CNOT6L: variants seen among roughly 807,000 people sequenced by gnomAD.
CNOT6L encodes CCR4-NOT transcription complex subunit 6 like.
Under a neutral mutation model 64.0 loss-of-function variants are expected in CNOT6L, and 7 were observed. The ratio of observed to expected loss-of-function variants is 0.11; its 90% CI spans 0.06 to 0.21. The LOEUF (loss-of-function observed/expected upper bound fraction) is 0.21. Ranked by LOEUF, CNOT6L falls within the 10% of genes least tolerant of loss-of-function variation. CNOT6L has a pLI of 1.00. For synonymous variants in CNOT6L, 193 were observed against 243.4 expected (o/e 0.79, Z 1.93); for missense variants, 245 against 669.0 (o/e 0.37, Z 6.99).
intron 5 of CNOT6L, among the ~76,000 whole-genome samples, chr4:77,756,639 C>A (rs920751820): frequency 3.3e-5 from 5 of 152,120 alleles, no homozygotes; most frequent in African/African-American, 9.7e-5. Context: ...GTCCTAGGTT[C>A]TTAAACAAAA....
At chr4:77,819,613 G>GGGCGGCGGCGGCGGC (rs889653462), upstream of CNOT6L, 1 of 163,084 alleles carries the variant, frequency 6.1e-6, no homozygotes, top group Non-Finnish European at 1.3e-5. Flanking sequence ...GCCGGGGTCC[G>GGGCGGCGGCGGCGGC]GGCGGCGGCG....
At chr4:77,758,443 T>C (rs1397034717) in intron 4 of CNOT6L, among the ~76,000 whole-genome samples, 2 of 152,158 alleles carry the variant, frequency 1.3e-5, no homozygotes, top group South Asian at 2.1e-4. Flanking sequence ...GATACAGAAG[T>C]TAGAATACTA....
At chr4:77,720,691 A>T (rs768551085) in intron 11 of CNOT6L, 48 bp from the exon 12 acceptor site, 2 of 1,592,304 alleles carry the variant, frequency 1.3e-6, no homozygotes, top group Non-Finnish European at 1.7e-6. Flanking sequence ...CAAGATATAT[A>T]AAGAACAATC....
rs763935111 is a variant in CNOT6L, at chr4:77,794,178, A to G, written c.6-17786T>C. Among the ~76,000 whole-genome samples, 198 of 144,176 alleles carry G rather than the reference A, an allele frequency of 1.4e-3. 1 individual carries two copies. The highest frequency in any genetic ancestry group is 4.9e-3 in the African/African-American group (191 of 38,996). The allele number at this position is 144,176 out of a possible 152,430, so 94.6% of individuals were successfully genotyped here. A position where few individuals can be genotyped will look rare whatever the true frequency, so the allele number is the denominator to read the frequency against. ...AAAAAAAAAAAAAAAAAAAAAAAAG[A>G]TTTTAGAAATAGAAGGAAAGAGAGA... On this transcript the variant is annotated intron_variant, in intron 1 of 11. Coordinates refer to ENST00000504123, the MANE Select transcript of CNOT6L (RefSeq NM_144571.3).
At chr4:77,748,485 C>A (rs999327191) in intron 5 of CNOT6L, 101 bp from the exon 6 acceptor site, 3 of 781,554 alleles carry the variant, frequency 3.8e-6, no homozygotes, top group Non-Finnish European at 4.4e-6. Flanking sequence ...TCTGCTGTAA[C>A]GGCCTGCAAA....
intron 1 of CNOT6L, among the ~76,000 whole-genome samples, chr4:77,788,440 CAAT>C (rs1729707777): frequency 6.6e-6 from 1 of 152,090 alleles, no homozygotes; most frequent in Non-Finnish European, 1.5e-5. Context: ...TAATAATAGG[CAAT>C]TCGGCCAGGC....
intron 1 of CNOT6L, among the ~76,000 whole-genome samples, chr4:77,812,419 CAGAGTG>C (rs939828941): frequency 2.0e-5 from 3 of 148,528 alleles, no homozygotes; most frequent in African/African-American, 7.5e-5. Flanking sequence ...GCCTGGGCGA[CAGAGTG>C]AGACTCCATC....
rs1728204764 is a variant in CNOT6L, at chr4:77,776,875, T to C, written c.6-483A>G. Reference sequence around the variant, plus strand: ...AACCGCAGAACTCATTCTATGTTTATAGGAGAAGCAGGCTTCTCTCTCCTG... The same window carrying C: ...AACCGCAGAACTCATTCTATGTTTACAGGAGAAGCAGGCTTCTCTCTCCTG... On this transcript the variant is annotated intron_variant, in intron 1 of 11. Coordinates refer to ENST00000504123, the MANE Select transcript of CNOT6L (RefSeq NM_144571.3). Among the ~76,000 whole-genome samples, 2 of 152,202 alleles carry C rather than the reference T, an allele frequency of 1.3e-5. 1 individual carries two copies. Among genetic ancestry groups the C allele is most frequent in the South Asian group, 4.1e-4 (2 of 4,834 alleles).
intron 1 of CNOT6L, among the ~76,000 whole-genome samples, chr4:77,789,359 A>G (rs1638930167): frequency 6.6e-6 from 1 of 151,898 alleles, no homozygotes; most frequent in African/African-American, 2.4e-5. Flanking sequence ...TCTCATTAAC[A>G]AAATGTTCAA....
rs944000019 is a variant in CNOT6L at position 77,756,928 on chromosome 4, G to C, written c.424C>G (p.Leu142Val). 1.9e-6 allele frequency: 3 copies of C among 1,606,860 alleles called. No homozygotes were observed. The African/African-American group carries it at 4.0e-5, about 22-fold the overall frequency. The change falls in exon 5 of 12, where the codon CTC becomes GTC. Residue 142 changes from leucine to valine, a missense_variant. Around this residue, in one of 10 missense-constraint regions of CNOT6L, gnomAD observed 94 missense variants for 290.9 expected, o/e 0.32. Transcript: ENST00000504123. The stretch of plus-strand genomic sequence containing the variant: ...CCATCTGGGTCCTGGTATAAGTTGA[G>C]AATATCCTGTGATAAAGGATTGCCT... ...LKGNPLSQDILNLYQDPDGTR... is the reference protein window; with the variant it reads ...LKGNPLSQDIVNLYQDPDGTR...
At chr4:77,811,865 G>A (rs1444763225) in intron 1 of CNOT6L, among the ~76,000 whole-genome samples, 2 of 101,158 alleles carry the variant, frequency 2.0e-5, no homozygotes, top group African/African-American at 7.4e-5. Flanking sequence ...TTCTCCGCAA[G>A]GAGCAGTTTA....
chr4:77,797,935 C>A (rs189027446), intron 1 of CNOT6L, among the ~76,000 whole-genome samples: 5 of 152,106 alleles, frequency 3.3e-5, no homozygotes, highest in African/African-American at 1.2e-4. Flanking sequence ...CTATGAGTTT[C>A]GCAAGGATAT....
intron 8 of CNOT6L, among the ~76,000 whole-genome samples, chr4:77,739,999 ATGTTAGATGTCTCAAGTT>A (rs1442055633): frequency 1.3e-5 from 2 of 149,010 alleles, no homozygotes; most frequent in Admixed American, 6.8e-5. Context: ...AAAGAGCCTG[ATGTTAGATGTCTCAAGTT>A]TACTGGTGCA....
chr4:77,816,483 T>C (rs1171103822), intron 1 of CNOT6L, among the ~76,000 whole-genome samples: 3 of 152,084 alleles, frequency 2.0e-5, no homozygotes, highest in Non-Finnish European at 4.4e-5. Flanking sequence ...ACACACACTT[T>C]AAGAAAATCA....
intron 1 of CNOT6L, among the ~76,000 whole-genome samples, chr4:77,789,406 A>C (rs1490183457): frequency 6.6e-6 from 1 of 152,112 alleles, no homozygotes; most frequent in Non-Finnish European, 1.5e-5. Flanking sequence ...AGGGGAAAAA[A>C]AAGTCAGTCT....
At chr4:77,725,574 T>C (rs937792396) in intron 11 of CNOT6L, among the ~76,000 whole-genome samples, 8 of 152,192 alleles carry the variant, frequency 5.3e-5, no homozygotes, top group African/African-American at 1.9e-4. Flanking sequence ...TGTCAAAAAA[T>C]GTCTTTCTTT....
intron 4 of CNOT6L, among the ~76,000 whole-genome samples, chr4:77,763,136 C>G (rs992945168): frequency 6.6e-6 from 1 of 151,964 alleles, no homozygotes; most frequent in Non-Finnish European, 1.5e-5. Context: ...AAATTACCCA[C>G]AGTGGAATCA....
intron 1 of CNOT6L, among the ~76,000 whole-genome samples, chr4:77,795,130 C>T (rs935512804): frequency 6.7e-6 from 1 of 148,534 alleles, no homozygotes; most frequent in African/African-American, 2.5e-5. Flanking sequence ...AGTGATTCTT[C>T]TGCCTCAGCC....
chr4:77,731,186 CTG>C (rs1722405286), intron 9 of CNOT6L, among the ~76,000 whole-genome samples, 199 bp downstream of exon 9: 1 of 152,092 alleles, frequency 6.6e-6, no homozygotes, highest in Non-Finnish European at 1.5e-5. Context: ...GTAAAAAAGA[CTG>C]TGATAGAGAG....
Sources: allele counts gnomAD v4.1 joint callset (sites outside exome capture counted in the v4.1 genomes callset), GRCh38; gene constraint gnomAD v4.1.1; regional missense constraint gnomAD v4.1.1; transcripts MANE v1.5; gene names NCBI Gene and HGNC (gene_info 2026-07-23, HGNC 2026-07-21).